PACRGL: variants seen among roughly 807,000 people sequenced by gnomAD.
The protein encoded by PACRGL is parkin coregulated like.
In PACRGL, 38 loss-of-function variants were observed where a neutral mutation model predicts 34.5. The ratio of observed to expected loss-of-function variants is 1.10; its 90% confidence interval spans 0.85 to 1.44. The LOEUF is 1.44. Among genes scored for constraint, PACRGL ranks in the 40% most tolerant of loss-of-function variants. The pLI is 0.00. For missense variants in PACRGL, 305 were observed against 281.4 expected (o/e 1.08, Z -0.60); for synonymous variants, 128 against 100.1 (o/e 1.28, Z -1.66).
chr4:20,755,274 G>T (rs1361877735), downstream of PACRGL, among the ~76,000 whole-genome samples: 1 of 151,748 alleles, frequency 6.6e-6, no homozygotes, highest in Non-Finnish European at 1.5e-5. Flanking sequence ...GACATGTTAG[G>T]CACAAAATTG....
downstream of PACRGL, chr4:20,732,698 C>T (rs1433250199): frequency 2.5e-6 from 4 of 1,610,506 alleles, no homozygotes; most frequent in Non-Finnish European, 3.4e-6. Flanking sequence ...AATGTTTCAA[C>T]GTGTTGTCTG....
intron 1 of PACRGL, among the ~76,000 whole-genome samples, chr4:20,704,154 A>T (rs911320223): frequency 2.0e-5 from 3 of 152,226 alleles, no homozygotes; most frequent in African/African-American, 4.8e-5. Flanking sequence ...TCAGAAATCT[A>T]GTCTGTGTTT....
At chr4:20,740,374 G>A (rs1189030265) in intron 8 of PACRGL, among the ~76,000 whole-genome samples, 6 of 152,170 alleles carry the variant, frequency 3.9e-5, no homozygotes, top group Non-Finnish European at 7.3e-5. Flanking sequence ...GACTAACAGC[G>A]GAACTCTCGG....
chr4:20,719,296 T>C (rs1741798724), intron 7 of PACRGL, among the ~76,000 whole-genome samples: 1 of 152,204 alleles, frequency 6.6e-6, no homozygotes, highest in Admixed American at 6.5e-5. Flanking sequence ...GAGTCATTGA[T>C]TTTTTGAAGG....
At chr4:20,709,093 C>T (rs11729173) in intron 4 of PACRGL, among the ~76,000 whole-genome samples, 16,084 of 152,122 alleles carry the variant, frequency 0.11, 1,107 homozygotes, top group Middle Eastern at 0.19. Flanking sequence ...GAGCCAAGAT[C>T]GCGCCATTAC....
chr4:20,738,885 C>T (rs996934059), intron 8 of PACRGL, among the ~76,000 whole-genome samples: 6 of 152,198 alleles, frequency 3.9e-5, no homozygotes, highest in Non-Finnish European at 8.8e-5. Flanking sequence ...AGGACACTTC[C>T]TGCCAATATT....
At chr4:20,714,128 A>G (rs1262224599) in intron 7 of PACRGL, among the ~76,000 whole-genome samples, 1 of 151,992 alleles carries the variant, frequency 6.6e-6, no homozygotes, top group African/African-American at 2.4e-5. Context: ...ATTGTGTGGG[A>G]GTCGAAATCT....
At chr4:20,702,677 G>A (rs1306505216) in intron 1 of PACRGL, 1 of 152,872 alleles carries the variant, frequency 6.5e-6, no homozygotes, top group Non-Finnish European at 1.5e-5. Flanking sequence ...CCCTCCAGGA[G>A]CTTCTCAAAA....
At chr4:20,759,236 T>TA in the PACRGL span, among the ~76,000 whole-genome samples, 1 of 151,632 alleles carries the variant, frequency 6.6e-6, no homozygotes, top group Non-Finnish European at 1.5e-5. Context: ...GTTTATAATA[T>TA]AGTCTTTGGT....
At chr4:20,764,285 T>G in the PACRGL span, among the ~76,000 whole-genome samples, 1 of 152,280 alleles carries the variant, frequency 6.6e-6, no homozygotes, top group South Asian at 2.1e-4. Context: ...AAATAAAGTT[T>G]TAATAAGACA....
At position 20,732,163 on chromosome 4, in the gene PACRGL, A is replaced by C; in HGVS notation, c.*4822A>C. ...GCTGAAGCTGATAAAAAGAAAACCT[A>C]GCTGCTTATTTATTTCACGTGGAGG... is the stretch of plus-strand genomic sequence containing the variant. On this transcript the variant is annotated 3_prime_UTR_variant, in exon 9 of 9. Coordinates refer to ENST00000503585, the MANE Select transcript of PACRGL (RefSeq NM_001258345.3). 1 of 828,710 alleles carries C rather than the reference A, an allele frequency of 1.2e-6. No individual in the cohort carries two copies. The highest frequency in any genetic ancestry group is 2.0e-6 in the Non-Finnish European group (1 of 510,826). 51.3% of individuals were successfully genotyped at this position (828,710 alleles called of 1,614,324 possible).
intron 7 of PACRGL, among the ~76,000 whole-genome samples, chr4:20,721,798 T>C (rs1025052442): frequency 1.3e-5 from 2 of 152,212 alleles, no homozygotes; most frequent in Non-Finnish European, 2.9e-5. Context: ...AGGCAGTCTG[T>C]CCGTTCTCAG....
chr4:20,740,696 A>G (rs890367565), intron 8 of PACRGL, among the ~76,000 whole-genome samples: 1 of 152,194 alleles, frequency 6.6e-6, no homozygotes, highest in Non-Finnish European at 1.5e-5. Context: ...CTAACATCAT[A>G]ATGACAGGAT....
At chr4:20,697,764 C>A (rs1162915920), upstream of PACRGL, among the ~76,000 whole-genome samples, 1 of 152,168 alleles carries the variant, frequency 6.6e-6, no homozygotes, top group African/African-American at 2.4e-5. Context: ...TGGTAAGGGA[C>A]TACTTTCTGG....
chr4:20,721,738 G>T (rs994470726), intron 7 of PACRGL, among the ~76,000 whole-genome samples: 8 of 152,194 alleles, frequency 5.3e-5, no homozygotes, highest in African/African-American at 1.7e-4. Context: ...TGCCCCTACT[G>T]GGGGGTGCCT....
downstream of PACRGL, among the ~76,000 whole-genome samples, chr4:20,735,551 A>T (rs1168768413): frequency 3.7e-5 from 4 of 109,460 alleles, no homozygotes; most frequent in Non-Finnish European, 5.2e-5. Context: ...TTTTTTTGAG[A>T]TGGAATCTCG....
In PACRGL at chr4:20,724,788, C is replaced by G; in HGVS notation, c.610-20C>G. On this transcript the variant is annotated intron_variant, in intron 7 of 8. Coordinates refer to ENST00000503585, the MANE Select transcript of PACRGL (RefSeq NM_001258345.3). ...TTAAGTTTAAAGTCATTTCGTTTCCCCCTAATCTTACTTTAAAAGCTTTCC... is the reference window on the plus strand; with the variant it reads ...TTAAGTTTAAAGTCATTTCGTTTCCGCCTAATCTTACTTTAAAAGCTTTCC... 4 of 1,405,048 alleles carry G rather than the reference C, an allele frequency of 2.8e-6. No homozygotes were observed. The highest frequency in any genetic ancestry group is 3.8e-6 in the Non-Finnish European group (4 of 1,065,716). The allele number at this position is 1,405,048 out of a possible 1,614,324, so 87.0% of individuals were successfully genotyped here.
At chr4:20,704,588 G>A (rs1733700864) in intron 2 of PACRGL, 55 bp downstream of exon 2, 40 of 1,612,964 alleles carry the variant, frequency 2.5e-5, no homozygotes, top group Non-Finnish European at 3.4e-5. Flanking sequence ...GGCACTTTCT[G>A]TGCTACAGAT....
At chr4:20,697,809 T>C (rs1731305460), upstream of PACRGL, among the ~76,000 whole-genome samples, 1 of 152,194 alleles carries the variant, frequency 6.6e-6, no homozygotes, top group Admixed American at 6.5e-5. Flanking sequence ...TGTCCTCACA[T>C]AGTGGAAGGA....
Sources: gnomAD v4.1 joint callset for allele counts (sites outside exome capture counted in the v4.1 genomes callset) on GRCh38, gnomAD v4.1.1 for gene constraint, MANE v1.5 for transcripts, NCBI Gene and HGNC (gene_info 2026-07-23, HGNC 2026-07-21) for gene names.